The following MATCAP2 variants were observed in gnomAD, a reference collection of about 807,000 sequenced individuals.
MATCAP2 encodes the protein microtubule associated tyrosine carboxypeptidase 2.
At chr7:36,335,214 C>A in the MATCAP2 span, 2 of 1,602,742 alleles carry the variant, frequency 1.2e-6, no homozygotes, top group Non-Finnish European at 1.7e-6. Context: ...AGACATAAAA[C>A]AAAACATAAA....
chr7:36,349,594 G>T, the MATCAP2 span, among the ~76,000 whole-genome samples: 1 of 152,082 alleles, frequency 6.6e-6, no homozygotes, highest in Non-Finnish European at 1.5e-5. Flanking sequence ...TCAGGGCTGG[G>T]AGTATTCTGG....
the MATCAP2 span, chr7:36,357,453 T>G: frequency 1.2e-6 from 2 of 1,614,212 alleles, no homozygotes; most frequent in Non-Finnish European, 1.7e-6. Context: ...TTGTAACTAC[T>G]GGTTCCAGTT....
At chr7:36,327,337 A>G in the MATCAP2 span, among the ~76,000 whole-genome samples, 1 of 152,102 alleles carries the variant, frequency 6.6e-6, no homozygotes, top group East Asian at 1.9e-4. Flanking sequence ...ATGATGTTTC[A>G]TTAGCCAGGC....
chr7:36,337,118 A>AAAAAAAAAAC, the MATCAP2 span, among the ~76,000 whole-genome samples: 1 of 147,006 alleles, frequency 6.8e-6, no homozygotes, highest in Non-Finnish European at 1.5e-5. Context: ...AAAAAAAAAA[A>AAAAAAAAAAC]AAAAAAAGCA....
the MATCAP2 span, chr7:36,335,099 T>C: frequency 8.1e-6 from 13 of 1,613,978 alleles, no homozygotes; most frequent in East Asian, 4.5e-5. Context: ...AGTGGACACA[T>C]TGATAGTCAG....
the MATCAP2 span, chr7:36,326,716 T>C: frequency 5.2e-6 from 8 of 1,549,942 alleles, no homozygotes; most frequent in South Asian, 8.4e-5. Flanking sequence ...ACTGGTAATA[T>C]ACATGGAGGC....
At chr7:36,367,805 T>C in the MATCAP2 span, among the ~76,000 whole-genome samples, 4 of 152,232 alleles carry the variant, frequency 2.6e-5, no homozygotes, top group Admixed American at 2.6e-4. Flanking sequence ...GGCTCATGCC[T>C]GTAATCCTCG....
At chr7:36,374,262 T>G in the MATCAP2 span, among the ~76,000 whole-genome samples, 1 of 150,176 alleles carries the variant, frequency 6.7e-6, no homozygotes. Flanking sequence ...TTTTTTTTTG[T>G]AGAGACAAGG....
At chr7:36,336,700 C>T in the MATCAP2 span, among the ~76,000 whole-genome samples, 2 of 151,692 alleles carry the variant, frequency 1.3e-5, no homozygotes, top group East Asian at 3.9e-4. Context: ...TACCATTGCC[C>T]TTTGAATGAG....
the MATCAP2 span, among the ~76,000 whole-genome samples, chr7:36,372,783 G>T: frequency 6.6e-6 from 1 of 152,120 alleles, no homozygotes; most frequent in African/African-American, 2.4e-5. Context: ...TACCTTCAAA[G>T]AACTTACTGA....
the MATCAP2 span, chr7:36,334,102 G>T: frequency 1.2e-6 from 2 of 1,613,950 alleles, no homozygotes; most frequent in Non-Finnish European, 1.7e-6. Context: ...TGTTTTTTAC[G>T]TCCAGTCCAA....
the MATCAP2 span, among the ~76,000 whole-genome samples, chr7:36,376,711 A>G: frequency 6.6e-6 from 1 of 151,928 alleles, no homozygotes; most frequent in Non-Finnish European, 1.5e-5. Flanking sequence ...TCCCATTATT[A>G]TTGTGTGGGA....
chr7:36,339,199 C>T, the MATCAP2 span, among the ~76,000 whole-genome samples: 2 of 152,020 alleles, frequency 1.3e-5, no homozygotes, highest in Non-Finnish European at 2.9e-5. Context: ...GGTAACATGC[C>T]TGAAACAAAA....
the MATCAP2 span, among the ~76,000 whole-genome samples, chr7:36,387,433 T>G: frequency 1.3e-5 from 2 of 152,194 alleles, no homozygotes; most frequent in Non-Finnish European, 2.9e-5. Flanking sequence ...GTTTTCAAAT[T>G]TTTTTATTTG....
the MATCAP2 span, among the ~76,000 whole-genome samples, chr7:36,342,918 G>A: frequency 3.9e-5 from 6 of 152,110 alleles, no homozygotes; most frequent in Admixed American, 2.0e-4. Context: ...GAGCCACTGC[G>A]CCCAGCCACA....
chr7:36,352,227 C>T, the MATCAP2 span, among the ~76,000 whole-genome samples: 1 of 149,634 alleles, frequency 6.7e-6, no homozygotes, highest in Non-Finnish European at 1.5e-5. Context: ...GAAACCCTGT[C>T]TCTACTAAAA....
chr7:36,345,767 T>C, the MATCAP2 span, among the ~76,000 whole-genome samples: 3 of 152,140 alleles, frequency 2.0e-5, no homozygotes, highest in Non-Finnish European at 2.9e-5. Context: ...GAAGCAAGCA[T>C]AGGCATACAT....
the MATCAP2 span, among the ~76,000 whole-genome samples, chr7:36,328,196 C>T: frequency 7.0e-6 from 1 of 142,036 alleles, no homozygotes; most frequent in Non-Finnish European, 1.5e-5. Flanking sequence ...AGCCTCCCTA[C>T]AGACATGTGC....
chr7:36,389,964 C>T, the MATCAP2 span: 1 of 1,614,058 alleles, frequency 6.2e-7, no homozygotes, highest in South Asian at 1.1e-5. Context: ...AGCTGAGACT[C>T]ACTTTTCTCT....
Sources: allele counts gnomAD v4.1 joint callset (sites outside exome capture counted in the v4.1 genomes callset), GRCh38; gene constraint gnomAD v4.1.1; transcripts MANE v1.5; gene names NCBI Gene and HGNC (gene_info 2026-07-23, HGNC 2026-07-21).